BICC1: variants seen among roughly 807,000 people sequenced by gnomAD.
The protein encoded by BICC1 is protein bicaudal C homolog 1.
A neutral mutation model predicts 111.0 loss-of-function variants in BICC1; 43 were observed. The observed-to-expected ratio is 0.39, with a 90% CI of 0.30 to 0.50. The LOEUF (loss-of-function observed/expected upper bound fraction) is 0.50, where lower values mean the gene tolerates loss of function less well. Ranked by LOEUF, BICC1 falls within the 20% of genes least tolerant of loss-of-function variation. The pLI is 0.88. For missense variants in BICC1, 1,091 were observed against 1,203.2 expected (o/e 0.91, Z 1.38); for synonymous variants, 467 against 434.4 (o/e 1.07, Z -0.93).
chr10:58,561,779 A>G (rs1649052), intron 1 of BICC1, among the ~76,000 whole-genome samples: 151,291 of 152,218 alleles, frequency 0.99, 75,188 homozygotes, highest in East Asian at 1. Flanking sequence ...ACTTCCAGAT[A>G]TAAGACTCCC....
chr10:58,724,062 A>G (rs952395134), intron 3 of BICC1, among the ~76,000 whole-genome samples: 1 of 152,154 alleles, frequency 6.6e-6, no homozygotes, highest in Non-Finnish European at 1.5e-5. Flanking sequence ...GCTAATGTTC[A>G]GTTCAAAGTA....
intron 2 of BICC1, among the ~76,000 whole-genome samples, chr10:58,653,291 T>C (rs1268656783): frequency 6.6e-6 from 1 of 152,132 alleles, no homozygotes; most frequent in African/African-American, 2.4e-5. Flanking sequence ...AGAAATAGTT[T>C]TGGGATTCAT....
At chr10:58,602,052 A>G (rs1467823781) in intron 1 of BICC1, among the ~76,000 whole-genome samples, 1 of 152,152 alleles carries the variant, frequency 6.6e-6, no homozygotes, top group Non-Finnish European at 1.5e-5. Flanking sequence ...GGACTTGAAT[A>G]TTTTGAGGCT....
intron 2 of BICC1, among the ~76,000 whole-genome samples, chr10:58,678,512 A>G (rs924692262): frequency 3.3e-5 from 5 of 152,226 alleles, no homozygotes; most frequent in African/African-American, 7.2e-5. Context: ...TATGCACCCA[A>G]TACAGGAGCA....
In BICC1 at chr10:58,829,015, A is replaced by G; in HGVS notation, c.*124A>G. The G allele has an allele frequency of 8.7e-7, 1 of 1,154,192 alleles. No individual in the cohort carries two copies. Among genetic ancestry groups the G allele is most frequent in the Non-Finnish European group, 1.2e-6 (1 of 820,396 alleles). The allele number at this position is 1,154,192 out of a possible 1,614,324, so 71.5% of individuals were successfully genotyped here. The stretch of plus-strand genomic sequence containing the variant: ...TCTGGTATCAGGACCAAAGCATTTT[A>G]TTCGCACCTGTACTTTATGGCAAAA... On this transcript the variant is annotated 3_prime_UTR_variant, in exon 21 of 21. Transcript: ENST00000373886.
intron 1 of BICC1, among the ~76,000 whole-genome samples, chr10:58,568,527 C>T (rs1843841513): frequency 6.6e-6 from 1 of 152,082 alleles, no homozygotes; most frequent in Non-Finnish European, 1.5e-5. Flanking sequence ...CTGAGAACTC[C>T]TTCTGGCAAG....
intron 3 of BICC1, among the ~76,000 whole-genome samples, chr10:58,717,934 GAAA>G (rs1840799834): frequency 6.6e-6 from 1 of 151,832 alleles, no homozygotes; most frequent in African/African-American, 2.4e-5. Flanking sequence ...CTAAATGGTG[GAAA>G]AAAAAAACAA....
At chr10:58,640,541 G>A (rs1838092309) in intron 2 of BICC1, among the ~76,000 whole-genome samples, 1 of 152,124 alleles carries the variant, frequency 6.6e-6, no homozygotes, top group Non-Finnish European at 1.5e-5. Context: ...ATTTACATAT[G>A]CAGCTTATAG....
At position 58,682,392 on chromosome 10, in the gene BICC1, A is replaced by T. The variant is rs1256793427; in HGVS notation, c.238-19682A>T. 6.0e-5 allele frequency among the ~76,000 whole-genome samples: 9 copies of T among 151,018 alleles called. 1 individual carries two copies. Among genetic ancestry groups the T allele is most frequent in the Non-Finnish European group, 8.9e-5 (6 of 67,332 alleles). The stretch of plus-strand genomic sequence containing the variant: ...CTTTGGGTATATACCTAGTAATAGG[A>T]TGGCTGGGTCAGATGGTATTTCTAG... On this transcript the variant is annotated intron_variant, in intron 2 of 20. Coordinates refer to ENST00000373886, the MANE Select transcript of BICC1 (RefSeq NM_001080512.3).
chr10:58,549,616 ATT>A (rs35864057), intron 1 of BICC1, among the ~76,000 whole-genome samples: 100 of 142,996 alleles, frequency 7.0e-4, no homozygotes, highest in African/African-American at 1.9e-3. Context: ...GTCTGTTCAG[ATT>A]TTTTTTTTTT....
intron 3 of BICC1, among the ~76,000 whole-genome samples, chr10:58,723,989 C>A (rs1418970849): frequency 6.6e-6 from 1 of 152,158 alleles, no homozygotes; most frequent in Non-Finnish European, 1.5e-5. Flanking sequence ...AAGATGGAAA[C>A]AGTTAGTGTC....
chr10:58,644,091 C>T (rs1838197848), intron 2 of BICC1, among the ~76,000 whole-genome samples: 1 of 152,086 alleles, frequency 6.6e-6, no homozygotes, highest in Non-Finnish European at 1.5e-5. Flanking sequence ...ATGAATTTCT[C>T]CCAGCTGAGT....
intron 1 of BICC1, among the ~76,000 whole-genome samples, chr10:58,567,089 C>T (rs1479380483): frequency 2.6e-5 from 4 of 152,148 alleles, no homozygotes; most frequent in African/African-American, 9.7e-5. Context: ...TGGAGGCCTG[C>T]AGAATCATAA....
intron 1 of BICC1, among the ~76,000 whole-genome samples, chr10:58,615,323 G>A (rs570993459): frequency 9.9e-5 from 15 of 152,172 alleles, no homozygotes; most frequent in Non-Finnish European, 2.1e-4. Flanking sequence ...CCATCAGTGT[G>A]TAAGGAAAAT....
intron 2 of BICC1, among the ~76,000 whole-genome samples, chr10:58,640,571 A>T (rs2132211643): frequency 6.6e-6 from 1 of 152,310 alleles, no homozygotes; most frequent in Admixed American, 6.5e-5. Flanking sequence ...AAACCCTAAG[A>T]TGGTTATTGC....
chr10:58,577,882 CTG>C (rs1164184199), intron 1 of BICC1, among the ~76,000 whole-genome samples: 2 of 152,278 alleles, frequency 1.3e-5, no homozygotes, highest in East Asian at 1.9e-4. Flanking sequence ...GATTTGGTAA[CTG>C]TTTCAGCTAG....
At chr10:58,571,400 T>C (rs1314970136) in intron 1 of BICC1, among the ~76,000 whole-genome samples, 1 of 152,072 alleles carries the variant, frequency 6.6e-6, no homozygotes, top group East Asian at 1.9e-4. Flanking sequence ...GGTAAACATG[T>C]GCCATGGTGG....
intron 1 of BICC1, among the ~76,000 whole-genome samples, chr10:58,574,220 A>G (rs1044334908): frequency 6.6e-6 from 1 of 152,106 alleles, no homozygotes; most frequent in African/African-American, 2.4e-5. Context: ...CAACAGAAGG[A>G]TGTTTTGTGA....
chr10:58,694,763 G>C (rs1840020886), intron 2 of BICC1, among the ~76,000 whole-genome samples: 2 of 152,062 alleles, frequency 1.3e-5, no homozygotes. Flanking sequence ...ACCATTTGGG[G>C]GCTATCTCTG....
Sources: gnomAD v4.1 joint callset for allele counts (sites outside exome capture counted in the v4.1 genomes callset) on GRCh38, gnomAD v4.1.1 for gene constraint, MANE v1.5 for transcripts, NCBI Gene and HGNC (gene_info 2026-07-23, HGNC 2026-07-21) for gene names.